CDC16: variants seen among roughly 807,000 people sequenced by gnomAD.
CDC16 encodes cell division cycle 16.
CDC16 carries 34 observed loss-of-function variants against 87.0 expected under a neutral mutation model. That is an observed-to-expected ratio of 0.39 (90% CI 0.30 to 0.52). The LOEUF (loss-of-function observed/expected upper bound fraction) is 0.52, where lower values mean the gene tolerates loss of function less well. CDC16 is among the 20% of genes least tolerant of loss of function. The probability of loss-of-function intolerance (pLI) is 0.74; values close to 1 mark genes in which losing one functional copy is unlikely to be tolerated. For synonymous variants in CDC16, 263 were observed against 260.6 expected, an observed-to-expected ratio of 1.01 and a Z score of -0.09; for missense variants, 653 against 751.9, an observed-to-expected ratio of 0.87 and a Z score of 1.54.
In CDC16 at chr13:114,239,115, G is replaced by A. The variant is rs987246600; in HGVS notation, c.240+87G>A. On this transcript the variant is annotated intron_variant, in intron 4 of 17. Coordinates refer to ENST00000356221, the MANE Select transcript of CDC16 (RefSeq NM_001078645.3). ...AAATATGTGTGAGAATTTTAGTGAT[G>A]GAGCTTAGCAGGTTAGTAAAGTATT... The A allele has an allele frequency of 6.8e-5, 105 of 1,536,706 alleles. No individual in the cohort carries two copies. The East Asian group carries it at 2.3e-3, about 34-fold the overall frequency.
In CDC16 at chr13:114,235,150, G is replaced by A. The variant is rs746202097; in HGVS notation, c.48+18G>A. 2.4e-6 allele frequency: 3 copies of A among 1,240,284 alleles called. No homozygotes were observed. The highest frequency in any genetic ancestry group is 3.0e-6 in the Non-Finnish European group (3 of 991,204). The allele number at this position is 1,240,284 out of a possible 1,614,324, so 76.8% of individuals were successfully genotyped here. On this transcript the variant is annotated intron_variant, in intron 1 of 17. Transcript: ENST00000356221. Reference sequence around the variant, plus strand: ...TCGACCAGGTGGGCGGCCCCGACTCGGGGTGCGGGGCCCAGGCCTCGCCGG... The same window carrying A: ...TCGACCAGGTGGGCGGCCCCGACTCAGGGTGCGGGGCCCAGGCCTCGCCGG...
At chr13:114,252,295 A>G (rs767084259) in intron 12 of CDC16, among the ~76,000 whole-genome samples, 2 of 152,162 alleles carry the variant, frequency 1.3e-5, no homozygotes, top group African/African-American at 4.8e-5. Context: ...AGAGCTTTAC[A>G]CTAGCCCTGT....
intron 14 of CDC16, among the ~76,000 whole-genome samples, chr13:114,260,515 G>C (rs1288971629): frequency 6.6e-6 from 1 of 152,166 alleles, no homozygotes; most frequent in Non-Finnish European, 1.5e-5. Context: ...CAGTTTTAGC[G>C]TGATGCCCAG....
chr13:114,249,355 G>T (rs2082038195), intron 11 of CDC16, among the ~76,000 whole-genome samples: 1 of 151,204 alleles, frequency 6.6e-6, no homozygotes. Context: ...CAAATGGCAA[G>T]TTCTTTCTTG....
At chr13:114,259,863 A>T (rs963206841) in intron 14 of CDC16, among the ~76,000 whole-genome samples, 5 of 152,228 alleles carry the variant, frequency 3.3e-5, no homozygotes, top group Non-Finnish European at 2.9e-5. Flanking sequence ...GTTACTGCAT[A>T]CTGAGTGTGT....
intron 12 of CDC16, among the ~76,000 whole-genome samples, chr13:114,250,890 A>C (rs1401555907): frequency 1.3e-5 from 2 of 152,170 alleles, no homozygotes; most frequent in East Asian, 3.8e-4. Context: ...CAACCAGTGC[A>C]AGAAGCAACC....
intron 17 of CDC16, among the ~76,000 whole-genome samples, chr13:114,271,425 C>A (rs2083645336): frequency 6.6e-6 from 1 of 152,014 alleles, no homozygotes; most frequent in African/African-American, 2.4e-5. Context: ...GATTTTATTT[C>A]ATCGTGGCTT....
intron 12 of CDC16, among the ~76,000 whole-genome samples, chr13:114,255,036 C>A (rs11616761): frequency 0.068 from 10,424 of 152,200 alleles, 427 homozygotes; most frequent in Middle Eastern, 0.15. Flanking sequence ...AATCTTAAAT[C>A]TACCTGTTAC....
chr13:114,242,037 G>A, intron 5 of CDC16, 84 bp from the exon 6 acceptor site: 1 of 1,472,962 alleles, frequency 6.8e-7, no homozygotes, highest in Non-Finnish European at 9.1e-7. Flanking sequence ...GGGAGACAGA[G>A]TGAGACTCTG....
At position 114,271,628 on chromosome 13, in the gene CDC16, C is replaced by T. The variant is rs1441413291; in HGVS notation, c.1604-556C>T. ...TAGCTGGGACTACAGGCACCCGCCA[C>T]CATGCCCGGCTAATTTTTTTGTATT... On this transcript the variant is annotated intron_variant, in intron 17 of 17. Coordinates refer to ENST00000356221, the MANE Select transcript of CDC16 (RefSeq NM_001078645.3). Among the ~76,000 whole-genome samples, 5 of 152,088 alleles carry T rather than the reference C, an allele frequency of 3.3e-5. No individual in the cohort carries two copies. In the East Asian group the frequency reaches 9.7e-4, roughly 29 times the overall value.
chr13:114,236,732 T>A, intron 2 of CDC16, 33 bp downstream of exon 2: 1 of 1,613,742 alleles, frequency 6.2e-7, no homozygotes, highest in Non-Finnish European at 8.5e-7. Context: ...GTTTTCTGAT[T>A]AATCTTAAAA....
chr13:114,265,294 A>G, intron 17 of CDC16, 54 bp downstream of exon 17: 1 of 1,105,236 alleles, frequency 9.0e-7, no homozygotes, highest in South Asian at 1.2e-5. Context: ...AGGTTGTCAT[A>G]TGTCTCTGTT....
chr13:114,270,596 T>C (rs74116862), intron 17 of CDC16, among the ~76,000 whole-genome samples: 3,714 of 152,338 alleles, frequency 0.024, 155 homozygotes, highest in African/African-American at 0.085. Context: ...AGGAGCTGCA[T>C]GTGTTCTGTG....
chr13:114,238,917 CT>C, intron 3 of CDC16, 72 bp from the exon 4 acceptor site: 2 of 1,525,796 alleles, frequency 1.3e-6, no homozygotes, highest in Non-Finnish European at 1.8e-6. Flanking sequence ...CTATTTTATG[CT>C]TATGGCTTTC....
chr13:114,248,109 C>T (rs2081968820), intron 11 of CDC16, among the ~76,000 whole-genome samples: 1 of 152,128 alleles, frequency 6.6e-6, no homozygotes, highest in South Asian at 2.1e-4. Flanking sequence ...TAATGATTTG[C>T]TGTGGTTTTA....
intron 5 of CDC16, 50 bp from the exon 6 acceptor site, chr13:114,242,071 T>A: frequency 6.5e-7 from 1 of 1,535,378 alleles, no homozygotes; most frequent in Non-Finnish European, 8.7e-7. Context: ...AAAAAAAAAG[T>A]TAAGTTTAAA....
chr13:114,237,060 G>A (rs1416098592), intron 3 of CDC16, among the ~76,000 whole-genome samples, 164 bp downstream of exon 3: 1 of 151,902 alleles, frequency 6.6e-6, no homozygotes, highest in Non-Finnish European at 1.5e-5. Context: ...CCCCATCTCC[G>A]CTAAAAATAC....
intron 12 of CDC16, among the ~76,000 whole-genome samples, chr13:114,255,398 A>G (rs1307419284): frequency 6.6e-6 from 1 of 152,138 alleles, no homozygotes; most frequent in Non-Finnish European, 1.5e-5. Context: ...TTACACTGTT[A>G]CTGGTAAACC....
At chr13:114,242,029 G>T in intron 5 of CDC16, 92 bp from the exon 6 acceptor site, 3 of 1,429,068 alleles carry the variant, frequency 2.1e-6, no homozygotes, top group Non-Finnish European at 2.8e-6. Flanking sequence ...TCCAGCCTGG[G>T]AGACAGAGTG....
Sources: gnomAD v4.1 joint callset for allele counts (sites outside exome capture counted in the v4.1 genomes callset) on GRCh38, gnomAD v4.1.1 for gene constraint, MANE v1.5 for transcripts, NCBI Gene and HGNC (gene_info 2026-07-23, HGNC 2026-07-21) for gene names.